Variants in SYNE2 observed in about 807,000 individuals in gnomAD.
SYNE2 encodes spectrin repeat containing nuclear envelope protein 2.
In SYNE2, 431 loss-of-function variants were observed where a neutral mutation model predicts 856.3. The ratio of observed to expected loss-of-function variants is 0.50; its 90% CI spans 0.47 to 0.55. SYNE2 has a LOEUF of 0.55. SYNE2 is among the 20% of genes least tolerant of loss of function. The pLI, the probability that SYNE2 is intolerant of heterozygous loss-of-function variation, is 0.00. For synonymous variants in SYNE2, 2,923 were observed against 2,872.3 expected (o/e 1.02, Z -0.56); for missense variants, 8,129 against 8,023.2 (o/e 1.01, Z -0.50).
intron 1 of SYNE2, among the ~76,000 whole-genome samples, chr14:63,822,650 T>C (rs1464370259): frequency 1.3e-5 from 2 of 152,254 alleles, no homozygotes; most frequent in Non-Finnish European, 2.9e-5. Flanking sequence ...AAAGGCCATG[T>C]GCAAGTCCAA....
chr14:64,036,445 C>T (rs748414049), intron 45 of SYNE2, among the ~76,000 whole-genome samples: 12 of 152,050 alleles, frequency 7.9e-5, no homozygotes, highest in Non-Finnish European at 1.3e-4. Context: ...ACCACCACAC[C>T]GGCTAATTTT....
At chr14:64,110,299 T>C (rs542772961) in intron 65 of SYNE2, among the ~76,000 whole-genome samples, 1 of 152,224 alleles carries the variant, frequency 6.6e-6, no homozygotes, top group African/African-American at 2.4e-5. Context: ...CTTCACTGAT[T>C]ACTTAGATCA....
intron 1 of SYNE2, among the ~76,000 whole-genome samples, chr14:63,864,849 G>A (rs1222209357): frequency 6.6e-6 from 1 of 152,106 alleles, no homozygotes; most frequent in East Asian, 1.9e-4. Context: ...TGCTGATAGG[G>A]TTAAATATGA....
chr14:63,806,159 T>G (rs1473533533), intron 1 of SYNE2, among the ~76,000 whole-genome samples: 2 of 152,214 alleles, frequency 1.3e-5, no homozygotes, highest in African/African-American at 4.8e-5. Flanking sequence ...GTTTCTCTAA[T>G]GCCAAGTTTG....
At chr14:63,835,468 A>G (rs1889817824) in intron 1 of SYNE2, among the ~76,000 whole-genome samples, 1 of 151,860 alleles carries the variant, frequency 6.6e-6, no homozygotes, top group Non-Finnish European at 1.5e-5. Flanking sequence ...CCTGACCTCA[A>G]GTGATCCGCC....
intron 111 of SYNE2, 168 bp from the exon 112 acceptor site, chr14:64,221,408 C>T: frequency 8.2e-7 from 1 of 1,225,310 alleles, no homozygotes; most frequent in East Asian, 2.3e-5. Flanking sequence ...CTTTCCTCTT[C>T]CTCATTTTGG....
At position 64,167,503 on chromosome 14, in the gene SYNE2, A is replaced by G. The variant is rs1436202798; in HGVS notation, c.16769A>G (p.Gln5590Arg). The G allele has an allele frequency of 6.2e-7, 1 of 1,614,202 alleles. No individual in the cohort carries two copies. ...ATALERCSELQGIGLNEKFLY... is the reference protein window; with the variant it reads ...ATALERCSELRGIGLNEKFLY... ...GTTTTAAACCTTTGTAGTGAGCTTCAGGGAATTGGATTGAATGAAAAGTTT... is the reference window on the plus strand; with the variant it reads ...GTTTTAAACCTTTGTAGTGAGCTTCGGGGAATTGGATTGAATGAAAAGTTT... The change falls in exon 92 of 116, where the codon CAG becomes CGG. Residue 5590 changes from glutamine (Q) to arginine (R), a missense_variant. Physicochemically the swap from Gln to Arg is conservative, Grantham distance 43 (BLOSUM62 1). Around this residue, in one of 3 missense-constraint regions of SYNE2, gnomAD observed 5,410 missense variants for 5,284.8 expected, o/e 1.02. Transcript: ENST00000555002.
chr14:63,930,532 T>TC (rs2095737648), intron 2 of SYNE2, among the ~76,000 whole-genome samples: 1 of 141,916 alleles, frequency 7.0e-6, no homozygotes, highest in Non-Finnish European at 1.6e-5. Context: ...TCATTATCCT[T>TC]CTTTTTTTTT....
chr14:63,871,845 A>C (rs1896930673), intron 1 of SYNE2, among the ~76,000 whole-genome samples: 1 of 152,172 alleles, frequency 6.6e-6, no homozygotes, highest in East Asian at 1.9e-4. Flanking sequence ...CATAATATTT[A>C]GGACCTATGA....
intron 1 of SYNE2, among the ~76,000 whole-genome samples, chr14:63,797,571 A>G (rs1887968027): frequency 6.6e-6 from 1 of 152,070 alleles, no homozygotes; most frequent in South Asian, 2.1e-4. Context: ...CCTTCTGAGT[A>G]GCTGGGATTA....
chr14:64,191,230 C>T (rs963503914), intron 99 of SYNE2: 1 of 246,676 alleles, frequency 4.1e-6, no homozygotes, highest in Non-Finnish European at 7.3e-6. Context: ...ATCTTCTTTA[C>T]CTCATTGTTT....
intron 92 of SYNE2, among the ~76,000 whole-genome samples, 172 bp from the exon 93 acceptor site, chr14:64,168,705 G>A (rs1384464440): frequency 2.0e-5 from 3 of 152,136 alleles, no homozygotes; most frequent in South Asian, 2.1e-4. Flanking sequence ...GAATATATTC[G>A]TAGGTGATGT....
At chr14:64,223,450 G>C (rs757864740) in intron 113 of SYNE2, 70 bp downstream of exon 113, 96 of 1,564,698 alleles carry the variant, frequency 6.1e-5, no homozygotes, top group Non-Finnish European at 7.8e-5. Flanking sequence ...CAGTGTTGTA[G>C]CAATGCTCTA....
Position 64,224,925 on chromosome 14 carries a change from G to C in SYNE2, c.20470-74G>C, listed in dbSNP as rs2297621. 0.097 allele frequency: 121,204 copies of C among 1,244,296 alleles called. 10,054 individuals are homozygous for C. The highest frequency in any genetic ancestry group is 0.48 in the African/African-American group (29,383 of 60,876). 77.1% of individuals were successfully genotyped at this position (1,244,296 alleles called of 1,614,324 possible). ...AAAGGTGGTATATAATTTAAGGGAG[G>C]ATTTTTTTTTTTTTTATCATTGATA... On this transcript the variant is annotated intron_variant, in intron 114 of 115. Transcript: ENST00000555002.
chr14:63,818,587 T>C (rs1889096055), intron 1 of SYNE2, among the ~76,000 whole-genome samples: 1 of 151,850 alleles, frequency 6.6e-6, no homozygotes, highest in African/African-American at 2.4e-5. Flanking sequence ...CAATGTGATA[T>C]AAAGCATCTA....
chr14:64,211,869 A>G, intron 103 of SYNE2, 92 bp from the exon 104 acceptor site: 1 of 1,577,860 alleles, frequency 6.3e-7, no homozygotes, highest in South Asian at 1.1e-5. Context: ...TATTCTGGGT[A>G]CCCTTTTCTT....
At chr14:64,101,747 T>C (rs1595529449) in intron 63 of SYNE2, among the ~76,000 whole-genome samples, 185 bp from the exon 64 acceptor site, 1 of 152,188 alleles carries the variant, frequency 6.6e-6, no homozygotes, top group East Asian at 1.9e-4. Flanking sequence ...AGCAGCCACA[T>C]TTGTAAACAT....
At chr14:63,961,367 G>T (rs148239582) in intron 8 of SYNE2, among the ~76,000 whole-genome samples, 158 bp from the exon 9 acceptor site, 3 of 152,232 alleles carry the variant, frequency 2.0e-5, no homozygotes, top group Non-Finnish European at 1.5e-5. Context: ...CAGTCTTGCA[G>T]CAAGGCTGAG....
At chr14:64,058,584 A>AT (rs2097291798) in intron 49 of SYNE2, among the ~76,000 whole-genome samples, 1 of 152,052 alleles carries the variant, frequency 6.6e-6, no homozygotes. Context: ...GGTTCAAGCA[A>AT]TTCTCTTGCC....
Sources: gnomAD v4.1 joint callset for allele counts (sites outside exome capture counted in the v4.1 genomes callset) on GRCh38, gnomAD v4.1.1 for gene constraint, gnomAD v4.1.1 regional missense constraint, MANE v1.5 for transcripts, NCBI Gene and HGNC (gene_info 2026-07-23, HGNC 2026-07-21) for gene names.